Variants in MED23 observed in about 807,000 individuals in gnomAD.
MED23 encodes mediator complex subunit 23.
MED23 carries 105 observed loss-of-function variants against 163.9 expected under a neutral mutation model. The observed-to-expected ratio is 0.64, with a 90% CI of 0.55 to 0.75. The LOEUF is 0.75. MED23 is among the 30% of genes least tolerant of loss of function. MED23 has a pLI of 0.00. For synonymous variants in MED23, 561 were observed against 565.6 expected (o/e 0.99, Z 0.12); for missense variants, 1,054 against 1,649.0 (o/e 0.64, Z 6.25).
intron 5 of MED23, among the ~76,000 whole-genome samples, chr6:131,622,196 CATT>C (rs1777161104): frequency 6.6e-6 from 1 of 152,118 alleles, no homozygotes; most frequent in Non-Finnish European, 1.5e-5. Flanking sequence ...CAAAGAAAGT[CATT>C]ATACAGTTTG....
chr6:131,608,594 T>TG (rs1776031380), intron 11 of MED23, among the ~76,000 whole-genome samples: 3 of 152,222 alleles, frequency 2.0e-5, no homozygotes, highest in East Asian at 1.9e-4. Flanking sequence ...AGGATAGAGA[T>TG]GGGGTCTTGC....
At chr6:131,602,514 T>G (rs988111278) in intron 16 of MED23, 133 bp from the exon 17 acceptor site, 2 of 784,996 alleles carry the variant, frequency 2.5e-6, no homozygotes, top group Non-Finnish European at 3.9e-6. Flanking sequence ...TGTGTGAGAA[T>G]AAATGTTGCT....
chr6:131,618,664 A>C lies in MED23; in HGVS notation c.668-145T>G, dbSNP rs978826027. 3 of 639,188 alleles carry C rather than the reference A, an allele frequency of 4.7e-6. No individual in the cohort carries two copies. The South Asian group carries it at 5.7e-5, about 12-fold the overall frequency. 39.6% of individuals were successfully genotyped at this position (639,188 alleles called of 1,614,324 possible). A position where few individuals can be genotyped will look rare whatever the true frequency, so the allele number is the denominator to read the frequency against. On this transcript the variant is annotated intron_variant, in intron 8 of 28. Transcript: ENST00000368068. The stretch of plus-strand genomic sequence containing the variant: ...TATAAAAATGTTTCAATGAGACTGA[A>C]GGTTGGGAATTTTATTTTTAGTTCA...
At chr6:131,616,088 A>G in intron 9 of MED23, 86 bp from the exon 10 acceptor site, 2 of 1,101,736 alleles carry the variant, frequency 1.8e-6, no homozygotes, top group Non-Finnish European at 2.7e-6. Flanking sequence ...AAAATCCTCT[A>G]AAGGCACTTG....
At chr6:131,596,242 G>A in intron 21 of MED23, 79 bp from the exon 22 acceptor site, 6 of 1,289,152 alleles carry the variant, frequency 4.7e-6, no homozygotes, top group South Asian at 2.5e-5. Context: ...TGAAAACATT[G>A]TTTAGATTTT....
chr6:131,605,283 G>T lies in MED23; in HGVS notation c.1570C>A (p.Pro524Thr). ...GTCAGTGAATCCAGGAGGTTCATAGGTAAGGGGGTAATAGATCCTGAAGCC... is the reference window on the plus strand; with the variant it reads ...GTCAGTGAATCCAGGAGGTTCATAGTTAAGGGGGTAATAGATCCTGAAGCC... The part of the protein sequence containing the change: ...CMASGSITPL[P>T]MNLLDSLTVH... The change falls in exon 14 of 29, where the codon CCT becomes ACT. Residue 524 changes from proline (P) to threonine (T), a missense_variant. Physicochemically the swap from Pro to Thr is conservative, Grantham distance 38. This residue lies in a region of MED23 where 54 missense variants were observed against 89.8 expected (regional missense o/e 0.60). Transcript: ENST00000368068. 1 of 1,613,450 alleles carries T rather than the reference G, an allele frequency of 6.2e-7. No individual in the cohort carries two copies. Among genetic ancestry groups the T allele is most frequent in the Non-Finnish European group, 8.5e-7 (1 of 1,179,556 alleles).
chr6:131,578,719 T>C (rs1773757572), intron 30 of MED23, among the ~76,000 whole-genome samples: 1 of 152,138 alleles, frequency 6.6e-6, no homozygotes, highest in Non-Finnish European at 1.5e-5. Context: ...ATGTATTTAA[T>C]TATTATCAAA....
At chr6:131,620,587 C>A in intron 7 of MED23, 41 bp downstream of exon 7, 1 of 1,467,850 alleles carries the variant, frequency 6.8e-7, no homozygotes, top group Non-Finnish European at 9.5e-7. Context: ...CGAAGCCCAG[C>A]CGAAAATTTT....
At chr6:131,579,764 T>A (rs1773820659) in intron 30 of MED23, 1 of 159,298 alleles carries the variant, frequency 6.3e-6, no homozygotes, top group South Asian at 1.8e-4. Context: ...TCAACCAGAA[T>A]TGAAAATCTG....
At chr6:131,627,959 G>T in intron 1 of MED23, 52 bp downstream of exon 1, 1 of 1,611,944 alleles carries the variant, frequency 6.2e-7, no homozygotes. Context: ...GGCTGCCCCC[G>T]CGTCTCCCCG....
intron 4 of MED23, 41 bp downstream of exon 4, chr6:131,624,823 GA>G (rs1287376386): frequency 6.2e-7 from 1 of 1,610,002 alleles, no homozygotes; most frequent in Non-Finnish European, 8.5e-7. Context: ...ATCACATATA[GA>G]AAAGAAAATT....
chr6:131,587,574 T>C lies in MED23; in HGVS notation c.*105A>G. 6.4e-7 allele frequency: 1 copy of C among 1,574,036 alleles called. No homozygotes were observed. Among genetic ancestry groups the C allele is most frequent in the South Asian group, 1.2e-5 (1 of 85,614 alleles). On this transcript the variant is annotated 3_prime_UTR_variant, in exon 29 of 29. Transcript: ENST00000368068. ...AATAAAACAATCTGAATATCATCAC[T>C]GCTTCTACTATATCACTACAGTGTG...
intron 4 of MED23, 32 bp downstream of exon 4, chr6:131,624,833 T>C (rs1777365516): frequency 6.2e-7 from 1 of 1,612,578 alleles, no homozygotes; most frequent in Non-Finnish European, 8.5e-7. Context: ...GAAAAGAAAA[T>C]TCTTCAGATT....
At chr6:131,612,763 G>C (rs1468503968) in intron 10 of MED23, among the ~76,000 whole-genome samples, 1 of 152,000 alleles carries the variant, frequency 6.6e-6, no homozygotes, top group Non-Finnish European at 1.5e-5. Flanking sequence ...TCAGGCAAAA[G>C]ACATTAATAG....
At position 131,596,542 on chromosome 6, in the gene MED23, G is replaced by A; in HGVS notation, c.2754C>T (p.His918=). ...SPEHWLQNDW[H]TKHMNYHKKY... is the part of the protein sequence containing the mutation. ...CCTTGTGATAATTCATGTGCTTGGT[G>A]TGCCAGTCATTCTGTAACCAGTGCT... Residue 918 remains histidine (H), a synonymous_variant, in exon 21 of 29, where the codon CAC becomes CAT. Transcript: ENST00000368068. The A allele has an allele frequency of 6.2e-7, 1 of 1,614,168 alleles. No homozygotes were observed. Among genetic ancestry groups the A allele is most frequent in the Non-Finnish European group, 8.5e-7 (1 of 1,180,010 alleles).
At position 131,593,020 on chromosome 6, in the gene MED23, A is replaced by AT. The variant is rs1280050490; in HGVS notation, c.3383dup (p.Asn1128LysfsTer39). Reference sequence around the variant, plus strand: ...AGAATACATACCTTTTTAGGACAACATTTAGAAGGGCATTCCCAACTTCTT... The same window carrying AT: ...AGAATACATACCTTTTTAGGACAACATTTTAGAAGGGCATTCCCAACTTCTT... On this transcript the variant is annotated frameshift_variant, in exon 24 of 29. Coordinates refer to ENST00000368068, the MANE Select transcript of MED23 (RefSeq NM_004830.4). LOFTEE classifies it high-confidence loss of function. 6.2e-7 allele frequency: 1 copy of AT among 1,614,078 alleles called. No individual in the cohort carries two copies. Among genetic ancestry groups the AT allele is most frequent in the Non-Finnish European group, 8.5e-7 (1 of 1,180,028 alleles).
At position 131,579,078 on chromosome 6, in the gene MED23, T is replaced by C. The variant is rs1562356509; in HGVS notation, c.4096-4783A>G. 4.3e-6 allele frequency: 7 copies of C among 1,611,444 alleles called. No individual in the cohort carries two copies. The East Asian group carries it at 1.6e-4, about 36-fold the overall frequency. The stretch of plus-strand genomic sequence containing the variant: ...CACAGACTGATTTATAATCTACTTT[T>C]TAATTTAGTAACTCAAAACTTTTTA... On this transcript the variant is annotated intron_variant, in intron 30 of 30. Coordinates refer to the MED23 transcript ENST00000354577.
At chr6:131,619,734 G>T in intron 8 of MED23, 93 bp downstream of exon 8, 1 of 948,754 alleles carries the variant, frequency 1.1e-6, no homozygotes, top group African/African-American at 1.6e-5. Flanking sequence ...AAGCCACCAA[G>T]GCACATATTA....
chr6:131,597,619 G>C (rs1585483977), intron 20 of MED23, among the ~76,000 whole-genome samples: 2 of 152,020 alleles, frequency 1.3e-5, no homozygotes, highest in East Asian at 3.9e-4. Flanking sequence ...GAAACACAGT[G>C]ACTTACTGCT....
Sources: gnomAD v4.1 joint callset for allele counts (sites outside exome capture counted in the v4.1 genomes callset) on GRCh38, gnomAD v4.1.1 for gene constraint, gnomAD v4.1.1 regional missense constraint, MANE v1.5 for transcripts, NCBI Gene and HGNC (gene_info 2026-07-23, HGNC 2026-07-21) for gene names.